Variants in SPATA13 observed in about 807,000 individuals in gnomAD.
SPATA13 encodes spermatogenesis associated 13, also known as spermatogenesis-associated protein 13.
A neutral mutation model predicts 104.0 loss-of-function variants in SPATA13; 50 were observed. The observed-to-expected ratio is 0.48, with a 90% CI of 0.38 to 0.61. The LOEUF is 0.61. Ranked by LOEUF, SPATA13 falls within the 20% of genes least tolerant of loss-of-function variation. The probability of loss-of-function intolerance (pLI) is 0.00; values close to 1 mark genes in which losing one functional copy is unlikely to be tolerated. For synonymous variants in SPATA13, 606 were observed against 667.5 expected (o/e 0.91, Z 1.42); for missense variants, 1,524 against 1,690.6 (o/e 0.90, Z 1.73).
At chr13:24,064,205 T>TC (rs1311491123) in intron 3 of SPATA13, among the ~76,000 whole-genome samples, 3 of 152,244 alleles carry the variant, frequency 2.0e-5, no homozygotes, top group South Asian at 4.1e-4. Flanking sequence ...GTTCTAAAGC[T>TC]CACAGTACGT....
intron 3 of SPATA13, among the ~76,000 whole-genome samples, chr13:24,058,662 G>T (rs1373833105): frequency 2.0e-5 from 3 of 151,878 alleles, no homozygotes; most frequent in Admixed American, 1.3e-4. Context: ...TAATTTATTA[G>T]TTGCTTATTT....
intron 1 of SPATA13, among the ~76,000 whole-genome samples, chr13:24,198,201 G>A (rs963359439): frequency 1.3e-5 from 2 of 152,024 alleles, no homozygotes; most frequent in South Asian, 2.1e-4. Flanking sequence ...CACTGTGTTG[G>A]CCAGGCTGGT....
chr13:24,178,723 T>C (rs1292743468), intron 1 of SPATA13, among the ~76,000 whole-genome samples: 5 of 152,202 alleles, frequency 3.3e-5, no homozygotes, highest in Non-Finnish European at 5.9e-5. Context: ...AGGTTAAAAA[T>C]TGACACCACA....
At chr13:24,048,312 T>C (rs1878218881) in intron 3 of SPATA13, among the ~76,000 whole-genome samples, 3 of 151,656 alleles carry the variant, frequency 2.0e-5, no homozygotes, top group Non-Finnish European at 4.4e-5. Flanking sequence ...TTATATTGTT[T>C]AGAAAATAAG....
chr13:24,274,224 C>T (rs924593530), intron 4 of SPATA13, among the ~76,000 whole-genome samples: 1 of 152,208 alleles, frequency 6.6e-6, no homozygotes, highest in Non-Finnish European at 1.5e-5. Flanking sequence ...AGGCATATGT[C>T]CTAGAACAAC....
chr13:24,009,521 T>A (rs1484573862), intron 2 of SPATA13, among the ~76,000 whole-genome samples: 2 of 152,194 alleles, frequency 1.3e-5, no homozygotes. Context: ...AAGATGTACA[T>A]TGGTTTGGTC....
chr13:24,146,366 C>T (rs1377915097), intron 3 of SPATA13, among the ~76,000 whole-genome samples: 1 of 152,224 alleles, frequency 6.6e-6, no homozygotes, highest in Admixed American at 6.5e-5. Flanking sequence ...TTCAACTCCT[C>T]TCCCTGCGGC....
At chr13:24,184,006 G>A (rs940438629) in intron 1 of SPATA13, among the ~76,000 whole-genome samples, 2 of 152,106 alleles carry the variant, frequency 1.3e-5, no homozygotes, top group African/African-American at 4.8e-5. Flanking sequence ...GAAACACACA[G>A]GAAGTGGCGC....
At chr13:23,988,949 G>A (rs1875281331) in intron 2 of SPATA13, among the ~76,000 whole-genome samples, 1 of 152,136 alleles carries the variant, frequency 6.6e-6, no homozygotes, top group Admixed American at 6.6e-5. Context: ...AGCTTTGTCT[G>A]AGAATTAGTA....
chr13:24,139,134 C>T (rs1400133694), intron 3 of SPATA13, among the ~76,000 whole-genome samples: 1 of 152,104 alleles, frequency 6.6e-6, no homozygotes, highest in Non-Finnish European at 1.5e-5. Flanking sequence ...GCTAGGAATC[C>T]TTGCTGTTCC....
At chr13:24,009,342 T>G (rs1026801298) in intron 2 of SPATA13, among the ~76,000 whole-genome samples, 4 of 152,208 alleles carry the variant, frequency 2.6e-5, no homozygotes, top group Non-Finnish European at 2.9e-5. Context: ...ATGAAAAGAA[T>G]CACACTCTGT....
At chr13:23,983,985 C>G (rs1593256322) in intron 2 of SPATA13, 1 of 979,056 alleles carries the variant, frequency 1.0e-6, no homozygotes, top group Non-Finnish European at 1.2e-6. Context: ...TTATTTCTAA[C>G]AAGATACCTA....
rs535396250 is a variant in SPATA13, at chr13:24,283,188, C to T, written c.2165-947C>T. On this transcript the variant is annotated intron_variant, in intron 4 of 12. Coordinates refer to ENST00000382108, the MANE Select transcript of SPATA13 (RefSeq NM_001166271.3). Reference sequence around the variant, plus strand: ...TTTCCCTGACTGGGGAGGATCCCTTCCTCTTTAAAATCCTGCCACTTGCTT... The same window carrying T: ...TTTCCCTGACTGGGGAGGATCCCTTTCTCTTTAAAATCCTGCCACTTGCTT... 1.1e-4 allele frequency among the ~76,000 whole-genome samples: 16 copies of T among 152,312 alleles called. 1 individual carries two copies. The South Asian group carries it at 2.7e-3, about 26-fold the overall frequency.
intron 3 of SPATA13, among the ~76,000 whole-genome samples, chr13:24,076,093 G>A (rs1397444466): frequency 6.6e-6 from 1 of 152,180 alleles, no homozygotes; most frequent in Non-Finnish European, 1.5e-5. Flanking sequence ...GTAAAACAGA[G>A]AAAAGAGGAC....
At chr13:24,179,649 C>T (rs1450976360) in intron 1 of SPATA13, among the ~76,000 whole-genome samples, 1 of 152,172 alleles carries the variant, frequency 6.6e-6, no homozygotes, top group East Asian at 1.9e-4. Flanking sequence ...ATTTTACTTT[C>T]TGTTTCCGTG....
At position 24,193,779 on chromosome 13, in the gene SPATA13, A is replaced by G. The variant is rs146306247; in HGVS notation, c.-111-29040A>G. Among the ~76,000 whole-genome samples, 162 of 152,324 alleles carry G rather than the reference A, an allele frequency of 1.1e-3. No homozygotes were observed. The East Asian group carries it at 0.013, about 13-fold the overall frequency. On this transcript the variant is annotated intron_variant, in intron 1 of 12. Coordinates refer to ENST00000382108, the MANE Select transcript of SPATA13 (RefSeq NM_001166271.3). ...GTAGGGTTAGTGTGGAAACGTAGCT[A>G]TTCCTCAGTGAGCAATTGTTGGCTG...
chr13:24,179,272 A>T (rs1868635460), intron 1 of SPATA13, among the ~76,000 whole-genome samples: 1 of 152,036 alleles, frequency 6.6e-6, no homozygotes, highest in African/African-American at 2.4e-5. Context: ...ATCTGTTTTC[A>T]TTTCTCTTGG....
chr13:24,085,114 G>A (rs1364234198), intron 3 of SPATA13, among the ~76,000 whole-genome samples: 2 of 152,068 alleles, frequency 1.3e-5, no homozygotes, highest in Non-Finnish European at 2.9e-5. Context: ...GTAGGGCCCT[G>A]TTCTGTGCTT....
At chr13:24,252,973 C>CA (rs1358580341) in intron 4 of SPATA13, 1 of 152,182 alleles carries the variant, frequency 6.6e-6, no homozygotes, top group Non-Finnish European at 1.5e-5. Flanking sequence ...AAATACAAAA[C>CA]ATTTAATTAA....
Sources: allele counts gnomAD v4.1 joint callset (sites outside exome capture counted in the v4.1 genomes callset), GRCh38; gene constraint gnomAD v4.1.1; transcripts MANE v1.5; gene names NCBI Gene and HGNC (gene_info 2026-07-23, HGNC 2026-07-21).